Variants in DNAH12 observed in about 807,000 individuals in gnomAD.
DNAH12 encodes the protein axonemal beta dynein heavy chain 12.
In DNAH12, 285 loss-of-function variants were observed where a neutral mutation model predicts 371.5. That is an observed-to-expected ratio of 0.77 (90% CI 0.70 to 0.85). The LOEUF (loss-of-function observed/expected upper bound fraction) is 0.85, where lower values mean the gene tolerates loss of function less well. DNAH12 is among the 40% of genes least tolerant of loss of function. The pLI, the probability that DNAH12 is intolerant of heterozygous loss-of-function variation, is 0.00. For synonymous variants in DNAH12, 1,200 were observed against 1,213.0 expected, an observed-to-expected ratio of 0.99 and a Z score of 0.22; for missense variants, 3,611 against 3,689.4, an observed-to-expected ratio of 0.98 and a Z score of 0.55.
At chr3:57,432,673 A>G (rs929172300) in intron 32 of DNAH12, among the ~76,000 whole-genome samples, 3 of 152,178 alleles carry the variant, frequency 2.0e-5, no homozygotes, top group Admixed American at 1.3e-4. Context: ...ACTGAAGAAT[A>G]TGATTCCAAT....
At chr3:57,524,131 A>G (rs1183082327) in intron 2 of DNAH12, among the ~76,000 whole-genome samples, 1 of 152,198 alleles carries the variant, frequency 6.6e-6, no homozygotes, top group Non-Finnish European at 1.5e-5. Context: ...CTTACTGACC[A>G]TTTAAAAATT....
chr3:57,361,444 C>CACACTATATATATATATATACA (rs1409626573), intron 58 of DNAH12, among the ~76,000 whole-genome samples: 6 of 116,722 alleles, frequency 5.1e-5, no homozygotes, highest in African/African-American at 2.5e-4. Flanking sequence ...CACACACACA[C>CACACTATATATATATATATACA]TATATATATA....
chr3:57,405,901 A>G lies in DNAH12; in HGVS notation c.6328T>C (p.Tyr2110His). The change falls in exon 41 of 74, where the codon TAT (tyrosine) becomes CAT (histidine). Residue 2110 changes from tyrosine to histidine, a missense_variant. By Grantham distance (83) the Tyr-to-His change is moderately conservative. This residue lies in a region of DNAH12 where 2,266 missense variants were observed against 2,236.9 expected (regional missense o/e 1.01). Coordinates refer to ENST00000495027, the MANE Select transcript of DNAH12 (RefSeq NM_001366028.2). ...GAAAAATCACGCAAGTTGAAAGTAT[A>G]ATGGGATTTTGTGGGAGTGGGTAAA... The part of the protein sequence containing the change: ...NLLPTPTKSH[Y>H]TFNLRDFSRV... 1 of 1,550,022 alleles carries G rather than the reference A, an allele frequency of 6.5e-7. No homozygotes were observed. The highest frequency in any genetic ancestry group is 8.7e-7 in the Non-Finnish European group (1 of 1,145,490).
intron 70 of DNAH12, among the ~76,000 whole-genome samples, chr3:57,299,045 C>T (rs74784366): frequency 6.6e-6 from 1 of 152,270 alleles, no homozygotes; most frequent in East Asian, 1.9e-4. Flanking sequence ...AGGAAGAGAA[C>T]AAACTGCTGC....
intron 8 of DNAH12, among the ~76,000 whole-genome samples, chr3:57,504,696 T>C (rs2067686704): frequency 6.6e-6 from 1 of 152,212 alleles, no homozygotes; most frequent in East Asian, 1.9e-4. Context: ...TCAGGGTAAA[T>C]GGGATTTCCA....
intron 16 of DNAH12, 75 bp downstream of exon 16, chr3:57,470,366 CAA>C: frequency 8.1e-7 from 1 of 1,227,044 alleles, no homozygotes; most frequent in Non-Finnish European, 1.1e-6. Flanking sequence ...AACACTTAAC[CAA>C]AAAAAAAATC....
At chr3:57,499,630 C>CAAAAAAAAAAAAAAAAAAAAAAAAAAA (rs1220632097) in intron 11 of DNAH12, among the ~76,000 whole-genome samples, 1 of 14,890 alleles carries the variant, frequency 6.7e-5, no homozygotes, top group African/African-American at 3.4e-4. Flanking sequence ...ACCATCTCTA[C>CAAAAAAAAAAAAAAAAAAAAAAAAAAA]AAAAAAAAAA....
At chr3:57,321,725 A>G (rs1575447102) in intron 65 of DNAH12, among the ~76,000 whole-genome samples, 1 of 152,132 alleles carries the variant, frequency 6.6e-6, no homozygotes, top group Non-Finnish European at 1.5e-5. Context: ...ATATCTTCCA[A>G]TCTAGCCTAT....
intron 32 of DNAH12, among the ~76,000 whole-genome samples, chr3:57,432,988 T>C (rs1001156320): frequency 3.3e-5 from 5 of 152,164 alleles, no homozygotes; most frequent in African/African-American, 9.7e-5. Context: ...GAAGGTGATA[T>C]ACTGTATATA....
chr3:57,444,506 T>C (rs1269454345), intron 29 of DNAH12, among the ~76,000 whole-genome samples, 191 bp downstream of exon 29: 2 of 152,140 alleles, frequency 1.3e-5, no homozygotes, highest in Non-Finnish European at 2.9e-5. Flanking sequence ...AACCTGAATC[T>C]TGACAGGTTA....
chr3:57,407,887 T>C (rs1374749851), intron 40 of DNAH12, among the ~76,000 whole-genome samples: 2 of 152,152 alleles, frequency 1.3e-5, no homozygotes, highest in South Asian at 2.1e-4. Flanking sequence ...AAGACAAGCA[T>C]GCAAAATGGG....
intron 62 of DNAH12, among the ~76,000 whole-genome samples, chr3:57,327,514 G>C (rs1292970380): frequency 6.6e-6 from 1 of 152,078 alleles, no homozygotes; most frequent in African/African-American, 2.4e-5. Flanking sequence ...AAACCAACGA[G>C]AACAAAGACA....
At chr3:57,342,888 C>T (rs139636814) in intron 60 of DNAH12, among the ~76,000 whole-genome samples, 2 of 152,014 alleles carry the variant, frequency 1.3e-5, no homozygotes, top group East Asian at 1.9e-4. Flanking sequence ...GGCAACACAG[C>T]AAAACCCTGT....
At chr3:57,547,975 C>T (rs2069591616), upstream of DNAH12, among the ~76,000 whole-genome samples, 1 of 152,128 alleles carries the variant, frequency 6.6e-6, no homozygotes, top group South Asian at 2.1e-4. Flanking sequence ...ATTATATTTG[C>T]TTGCAAAGAT....
At chr3:57,444,441 C>A (rs559592728) in intron 29 of DNAH12, among the ~76,000 whole-genome samples, 2 of 152,168 alleles carry the variant, frequency 1.3e-5, no homozygotes, top group East Asian at 3.9e-4. Flanking sequence ...ATCCACCCAT[C>A]TCAGCCTCCC....
In DNAH12 at chr3:57,509,190, T is replaced by C; in HGVS notation, c.492A>G (p.Pro164=). 5 of 1,613,836 alleles carry C rather than the reference T, an allele frequency of 3.1e-6. No individual in the cohort carries two copies. The highest frequency in any genetic ancestry group is 4.2e-6 in the Non-Finnish European group (5 of 1,179,944). The change falls in exon 6 of 74, where the codon CCA becomes CCG. Residue 164 remains proline, a synonymous_variant. Coordinates refer to ENST00000495027, the MANE Select transcript of DNAH12 (RefSeq NM_001366028.2). ...CTTCATCTTCAAGCGATTTAACTGG[T>C]GGTTTCACAAGAACGCTCTGCACTA... is the stretch of plus-strand genomic sequence containing the variant. ...RYLVQSVLVK[P]PVKSLEDEGG...
chr3:57,435,745 C>T (rs531857417), intron 30 of DNAH12, among the ~76,000 whole-genome samples: 6 of 152,032 alleles, frequency 3.9e-5, no homozygotes, highest in Non-Finnish European at 8.8e-5. Context: ...TCACTTGAGC[C>T]CTGGAGTTTG....
At chr3:57,448,533 T>C (rs1029188573) in intron 25 of DNAH12, among the ~76,000 whole-genome samples, 1 of 116,734 alleles carries the variant, frequency 8.6e-6, no homozygotes, top group African/African-American at 2.6e-5. Flanking sequence ...GACAGCTCAG[T>C]GGACCCAGAG....
Position 57,471,489 on chromosome 3 carries a change from G to C in DNAH12, c.1894C>G (p.Leu632Val), listed in dbSNP as rs760709684. The change falls in exon 15 of 74, where the codon CTG becomes GTG. Residue 632 changes from leucine (L) to valine (V), a missense_variant. Coordinates refer to ENST00000495027, the MANE Select transcript of DNAH12 (RefSeq NM_001366028.2). ...TATCAGACCTGTTGCATGCGCTCCA[G>C]CTCTGCAAATTCTGTAAACTCCTCC... ...RMEEFTEFAELERMQQYVTDV... is the reference protein window; with the variant it reads ...RMEEFTEFAEVERMQQYVTDV... 1 of 1,546,676 alleles carries C rather than the reference G, an allele frequency of 6.5e-7. No homozygotes were observed. The highest frequency in any genetic ancestry group is 8.7e-7 in the Non-Finnish European group (1 of 1,146,146).
Sources: allele counts gnomAD v4.1 joint callset (sites outside exome capture counted in the v4.1 genomes callset), GRCh38; gene constraint gnomAD v4.1.1; regional missense constraint gnomAD v4.1.1; transcripts MANE v1.5; gene names NCBI Gene and HGNC (gene_info 2026-07-23, HGNC 2026-07-21).